BOC: variants seen among roughly 807,000 people sequenced by gnomAD.
BOC encodes BOC cell adhesion associated, oncogene regulated.
A neutral mutation model predicts 112.0 loss-of-function variants in BOC; 76 were observed. The observed-to-expected ratio is 0.68, with a 90% confidence interval of 0.56 to 0.82. The LOEUF (loss-of-function observed/expected upper bound fraction) is 0.82. BOC is among the 40% of genes least tolerant of loss of function. The pLI is 0.00. For synonymous variants in BOC, 580 were observed against 599.8 expected (o/e 0.97, Z 0.48); for missense variants, 1,309 against 1,511.7 (o/e 0.87, Z 2.22).
intron 1 of BOC, among the ~76,000 whole-genome samples, chr3:113,213,568 A>G (rs913305949): frequency 6.6e-6 from 1 of 152,234 alleles, no homozygotes; most frequent in Non-Finnish European, 1.5e-5. Context: ...TAGGATGCCC[A>G]TACATCTGGG....
At chr3:113,249,950 C>T in intron 3 of BOC, 51 bp downstream of exon 3, 1 of 1,486,384 alleles carries the variant, frequency 6.7e-7, no homozygotes, top group Non-Finnish European at 9.3e-7. Context: ...TGGAAACATT[C>T]CGCATTCTAC....
rs751893154 is a variant in BOC at position 113,279,283 on chromosome 3, G to A, written c.1851G>A (p.Thr617=). The change falls in exon 12 of 20, where the codon ACG becomes ACA. Residue 617 remains threonine (T), a synonymous_variant. Transcript: ENST00000682979. ...PEAPDRPTIS[T]ASETSVYVTW... ...CTCCCGACAGGCCCACCATCTCCAC[G>A]GCCTCCGAGACCTCAGTGTACGTGA... 3.8e-5 allele frequency: 61 copies of A among 1,613,952 alleles called. No individual in the cohort carries two copies. The highest frequency in any genetic ancestry group is 5.0e-5 in the Admixed American group (3 of 60,008).
intron 2 of BOC, among the ~76,000 whole-genome samples, chr3:113,230,259 G>C (rs562683095): frequency 1.1e-4 from 16 of 152,290 alleles, no homozygotes; most frequent in African/African-American, 3.8e-4. Flanking sequence ...GAACTTCCGG[G>C]ACTGCAGGTG....
At chr3:113,280,909 C>T in intron 14 of BOC, 122 bp from the exon 15 acceptor site, 1 of 1,367,792 alleles carries the variant, frequency 7.3e-7, no homozygotes, top group South Asian at 1.3e-5. Context: ...CCACACGCCG[C>T]CCCTGTGCCA....
chr3:113,263,791 G>C (rs1259421189), intron 4 of BOC, among the ~76,000 whole-genome samples: 1 of 152,214 alleles, frequency 6.6e-6, no homozygotes, highest in East Asian at 1.9e-4. Flanking sequence ...AAATTCAAGA[G>C]ACATTCAAGA....
At chr3:113,248,624 C>A (rs905645975) in intron 2 of BOC, among the ~76,000 whole-genome samples, 1 of 152,152 alleles carries the variant, frequency 6.6e-6, no homozygotes, top group African/African-American at 2.4e-5. Context: ...GTTCTATAAA[C>A]CCATCAGTGA....
intron 14 of BOC, 121 bp from the exon 15 acceptor site, chr3:113,280,910 C>G: frequency 7.3e-7 from 1 of 1,374,742 alleles, no homozygotes; most frequent in Non-Finnish European, 1.0e-6. Context: ...CACACGCCGC[C>G]CCTGTGCCAG....
chr3:113,241,193 A>G (rs969812414), intron 2 of BOC, among the ~76,000 whole-genome samples: 4 of 152,190 alleles, frequency 2.6e-5, no homozygotes, highest in African/African-American at 9.6e-5. Flanking sequence ...ACTGGGATTG[A>G]GATAGGGCTG....
intron 4 of BOC, chr3:113,251,142 C>G: frequency 1.8e-6 from 1 of 566,160 alleles, no homozygotes; most frequent in Non-Finnish European, 3.1e-6. Flanking sequence ...AGGGCCGTGC[C>G]GTGCCTTCCT....
chr3:113,250,982 T>A, intron 4 of BOC, 149 bp downstream of exon 4: 1 of 1,009,296 alleles, frequency 9.9e-7, no homozygotes, highest in Non-Finnish European at 1.4e-6. Flanking sequence ...AGTAGCTGCC[T>A]AGTAATGCCC....
chr3:113,279,209 T>C lies in BOC; in HGVS notation c.1817-40T>C, dbSNP rs1404798891. On this transcript the variant is annotated intron_variant, in intron 11 of 19. Coordinates refer to ENST00000682979, the MANE Select transcript of BOC (RefSeq NM_001378074.1). ...ACCCTGCTTCCTTCCTCACGTCATC[T>C]CACCCTGCTTCCTTCCTCACTGGAT... 3.1e-6 allele frequency: 5 copies of C among 1,593,614 alleles called. No individual in the cohort carries two copies. The Admixed American group carries it at 5.0e-5, about 16-fold the overall frequency.
intron 4 of BOC, among the ~76,000 whole-genome samples, chr3:113,252,749 C>T (rs1477601883): frequency 6.6e-6 from 1 of 152,152 alleles, no homozygotes; most frequent in African/African-American, 2.4e-5. Context: ...ATCTTGGAGC[C>T]CCCCTCACAG....
intron 4 of BOC, among the ~76,000 whole-genome samples, chr3:113,255,118 GA>G: frequency 2.0e-5 from 3 of 152,110 alleles, no homozygotes; most frequent in South Asian, 2.1e-4. Flanking sequence ...AAAAAAAAAA[GA>G]AAAACTTTCT....
Position 113,242,363 on chromosome 3 carries a change from TG to T in BOC, c.-81-7355del, listed in dbSNP as rs374959995. 3.3e-5 allele frequency among the ~76,000 whole-genome samples: 5 copies of T among 152,314 alleles called. No individual in the cohort carries two copies. In the East Asian group the frequency reaches 9.7e-4, roughly 29 times the overall value. ...TCTCTTAAAAGAAATGAGGTCATTTTGGGGAAGAGGTATGAGTGACAAAGAA... is the reference window on the plus strand; with the variant it reads ...TCTCTTAAAAGAAATGAGGTCATTTTGGGAAGAGGTATGAGTGACAAAGAA... On this transcript the variant is annotated intron_variant, in intron 2 of 19. Coordinates refer to ENST00000682979, the MANE Select transcript of BOC (RefSeq NM_001378074.1).
intron 4 of BOC, among the ~76,000 whole-genome samples, chr3:113,254,431 G>C (rs1270322092): frequency 6.6e-6 from 1 of 152,154 alleles, no homozygotes; most frequent in African/African-American, 2.4e-5. Flanking sequence ...AGTGAAAGGG[G>C]TGCTGTCTTT....
intron 5 of BOC, 106 bp from the exon 6 acceptor site, chr3:113,270,695 C>A: frequency 7.4e-7 from 1 of 1,350,998 alleles, no homozygotes; most frequent in Non-Finnish European, 1.0e-6. Flanking sequence ...CTCCTAGTGC[C>A]TGCCCAGCCT....
At chr3:113,228,268 G>C (rs932350759) in intron 2 of BOC, among the ~76,000 whole-genome samples, 1 of 152,136 alleles carries the variant, frequency 6.6e-6, no homozygotes, top group Non-Finnish European at 1.5e-5. Context: ...CGGGGCAGAT[G>C]ATGGTGTAGA....
At chr3:113,277,338 T>G (rs965728520) in intron 9 of BOC, among the ~76,000 whole-genome samples, 7 of 152,162 alleles carry the variant, frequency 4.6e-5, no homozygotes. Flanking sequence ...AATGCAGAGC[T>G]GAAGGGTCAG....
intron 3 of BOC, 145 bp downstream of exon 3, chr3:113,250,044 G>A: frequency 1.4e-6 from 1 of 696,184 alleles, no homozygotes; most frequent in Non-Finnish European, 2.5e-6. Context: ...AAGAACACAA[G>A]ATGAGACATG....
Sources: gnomAD v4.1 joint callset for allele counts (sites outside exome capture counted in the v4.1 genomes callset) on GRCh38, gnomAD v4.1.1 for gene constraint, MANE v1.5 for transcripts, NCBI Gene and HGNC (gene_info 2026-07-23, HGNC 2026-07-21) for gene names.